The following GLIS3 variants were observed in gnomAD, a reference collection of about 807,000 sequenced individuals.
GLIS3 encodes the protein GLIS family zinc finger 3.
In GLIS3, 53 loss-of-function variants were observed where a neutral mutation model predicts 78.6. The ratio of observed to expected loss-of-function variants is 0.67; its 90% CI spans 0.54 to 0.85. The LOEUF is 0.85. Among genes scored for constraint, GLIS3 ranks in the 40% least tolerant of loss-of-function variants. The pLI, the probability that GLIS3 is intolerant of heterozygous loss-of-function variation, is 0.00. For synonymous variants in GLIS3, 684 were observed against 509.9 expected (o/e 1.34, Z -4.60); for missense variants, 1,703 against 1,231.1 (o/e 1.38, Z -5.74).
At chr9:4,077,464 A>C (rs376232452) in intron 4 of GLIS3, among the ~76,000 whole-genome samples, 25 of 152,306 alleles carry the variant, frequency 1.6e-4, no homozygotes, top group African/African-American at 5.5e-4. Context: ...CTTAGAAAGG[A>C]AAGATACTTC....
intron 2 of GLIS3, among the ~76,000 whole-genome samples, chr9:4,142,378 T>A (rs1833877057): frequency 6.6e-6 from 1 of 152,102 alleles, no homozygotes; most frequent in East Asian, 1.9e-4. Context: ...GATTCTATGG[T>A]TTTCAATGTT....
At chr9:3,885,454 A>G (rs1372279134) in intron 7 of GLIS3, among the ~76,000 whole-genome samples, 1 of 152,132 alleles carries the variant, frequency 6.6e-6, no homozygotes, top group Non-Finnish European at 1.5e-5. Flanking sequence ...AAAAGGGGGA[A>G]CCGGTATTAC....
At chr9:4,460,426 G>A in the GLIS3 span, among the ~76,000 whole-genome samples, 5 of 152,176 alleles carry the variant, frequency 3.3e-5, no homozygotes, top group Non-Finnish European at 7.3e-5. Flanking sequence ...GTTACCATTA[G>A]GTTGCCATAA....
Position 3,998,904 on chromosome 9 carries a change from C to A in GLIS3, c.1711-61715G>T, listed in dbSNP as rs540506033. 5.9e-5 allele frequency among the ~76,000 whole-genome samples: 9 copies of A among 151,890 alleles called. No homozygotes were observed. The East Asian group carries it at 1.5e-3, about 26-fold the overall frequency. On this transcript the variant is annotated intron_variant, in intron 4 of 10. Transcript: ENST00000381971. Reference sequence around the variant, plus strand: ...ATTACCACTGACACCATCTAGTCAACCTTTTTATTACCTTCTGGCTTATCT... The same window carrying A: ...ATTACCACTGACACCATCTAGTCAAACTTTTTATTACCTTCTGGCTTATCT...
chr9:4,357,571 G>A, the GLIS3 span, among the ~76,000 whole-genome samples: 1 of 151,894 alleles, frequency 6.6e-6, no homozygotes, highest in South Asian at 2.1e-4. Flanking sequence ...CTGTGTGTGT[G>A]TGTGTGTGTG....
intron 2 of GLIS3, among the ~76,000 whole-genome samples, chr9:4,227,159 A>T (rs543209118): frequency 6.6e-6 from 1 of 152,142 alleles, no homozygotes; most frequent in Non-Finnish European, 1.5e-5. Context: ...TGCTGCAGCA[A>T]CTGGCAACCT....
At chr9:3,862,105 G>A (rs1820251373) in intron 8 of GLIS3, among the ~76,000 whole-genome samples, 1 of 152,082 alleles carries the variant, frequency 6.6e-6, no homozygotes, top group South Asian at 2.1e-4. Flanking sequence ...ATTATAGAAT[G>A]TTTTAGTTGG....
chr9:4,134,603 G>A (rs923405289), intron 2 of GLIS3, among the ~76,000 whole-genome samples: 1 of 152,174 alleles, frequency 6.6e-6, no homozygotes, highest in African/African-American at 2.4e-5. Context: ...TCAGTAAAGA[G>A]TAGTTGTAAT....
At chr9:4,476,718 G>T in the GLIS3 span, among the ~76,000 whole-genome samples, 14 of 151,538 alleles carry the variant, frequency 9.2e-5, no homozygotes, top group African/African-American at 3.4e-4. Context: ...ACTATTATGT[G>T]TACATTATAG....
intron 6 of GLIS3, among the ~76,000 whole-genome samples, chr9:3,916,321 T>C (rs76957248): frequency 0.036 from 5,487 of 152,316 alleles, 304 homozygotes; most frequent in African/African-American, 0.12. Flanking sequence ...CCAAGTCTTC[T>C]ACCTCCCCAC....
At chr9:4,230,134 A>T (rs922567499) in intron 2 of GLIS3, among the ~76,000 whole-genome samples, 5 of 152,250 alleles carry the variant, frequency 3.3e-5, no homozygotes, top group African/African-American at 1.2e-4. Context: ...CTGTAAGTTC[A>T]AGCTCCAAAA....
intron 4 of GLIS3, among the ~76,000 whole-genome samples, chr9:4,062,924 A>C (rs1826778451): frequency 6.6e-6 from 1 of 150,984 alleles, no homozygotes; most frequent in African/African-American, 2.4e-5. Flanking sequence ...GCGAGACTCC[A>C]TTTCAAAAAA....
At chr9:3,845,340 A>G (rs887755865) in intron 9 of GLIS3, among the ~76,000 whole-genome samples, 1 of 152,168 alleles carries the variant, frequency 6.6e-6, no homozygotes, top group African/African-American at 2.4e-5. Context: ...ACGTGAGGCC[A>G]TTTTTATAAC....
At position 4,337,161 on chromosome 9, in the gene GLIS3, T is replaced by C. The variant is rs560340521; in HGVS notation, n.264+9920A>G. 4.6e-5 allele frequency among the ~76,000 whole-genome samples: 7 copies of C among 152,308 alleles called. No homozygotes were observed. In the South Asian group the frequency reaches 1.0e-3, roughly 23 times the overall value. The stretch of plus-strand genomic sequence containing the variant: ...TTCCCGAAAGTAATTTGGCAACACA[T>C]AGAATCATTAAAAGTGCAAATCATT... On this transcript the variant is annotated intron_variant and non_coding_transcript_variant, in intron 2 of 4. Coordinates refer to the GLIS3 transcript ENST00000471664.
At chr9:4,396,886 A>G in the GLIS3 span, among the ~76,000 whole-genome samples, 1 of 152,074 alleles carries the variant, frequency 6.6e-6, no homozygotes, top group African/African-American at 2.4e-5. Flanking sequence ...GTCTGATTTC[A>G]TGAGAGTTTT....
intron 2 of GLIS3, among the ~76,000 whole-genome samples, chr9:4,326,387 A>G (rs1443995894): frequency 1.3e-5 from 2 of 152,240 alleles, no homozygotes; most frequent in East Asian, 3.8e-4. Context: ...AAAAGCAAGG[A>G]AATGCGGACA....
chr9:4,357,181 C>G, the GLIS3 span, among the ~76,000 whole-genome samples: 2 of 152,154 alleles, frequency 1.3e-5, no homozygotes, highest in African/African-American at 2.4e-5. Context: ...ATCAACTTGA[C>G]TGGGTTACAA....
chr9:4,146,917 T>C (rs1834265839), intron 2 of GLIS3, among the ~76,000 whole-genome samples: 1 of 152,238 alleles, frequency 6.6e-6, no homozygotes, highest in Non-Finnish European at 1.5e-5. Flanking sequence ...GTTCGACTTT[T>C]AAAAACTATC....
At chr9:4,351,396 CAAAA>C (rs5896064), upstream of GLIS3, among the ~76,000 whole-genome samples, 3 of 113,422 alleles carry the variant, frequency 2.6e-5, no homozygotes, top group Admixed American at 8.8e-5. Flanking sequence ...CAGAGTGTCT[CAAAA>C]AAAAAAAAAA....
Sources: gnomAD v4.1 joint callset for allele counts (sites outside exome capture counted in the v4.1 genomes callset) on GRCh38, gnomAD v4.1.1 for gene constraint, MANE v1.5 for transcripts, NCBI Gene and HGNC (gene_info 2026-07-23, HGNC 2026-07-21) for gene names.